TRPC6: variants seen among roughly 807,000 people sequenced by gnomAD.
The protein encoded by TRPC6 is transient receptor potential cation channel subfamily C member 6, also known as short transient receptor potential channel 6.
In TRPC6, 55 loss-of-function variants were observed where a neutral mutation model predicts 90.7. The observed-to-expected ratio is 0.61, with a 90% CI of 0.49 to 0.76. TRPC6 has a LOEUF of 0.76. Among genes scored for constraint, TRPC6 ranks in the 30% least tolerant of loss-of-function variants. The pLI, the probability that TRPC6 is intolerant of heterozygous loss-of-function variation, is 0.00. For missense variants in TRPC6, 989 were observed against 1,122.7 expected, an observed-to-expected ratio of 0.88 and a Z score of 1.70; for synonymous variants, 393 against 393.0, an observed-to-expected ratio of 1.00 and a Z score of 0.00.
chr11:101,507,130 C>T (rs1190744465), intron 1 of TRPC6, among the ~76,000 whole-genome samples: 1 of 151,120 alleles, frequency 6.6e-6, no homozygotes, highest in African/African-American at 2.4e-5. Flanking sequence ...CTGTTTAAAA[C>T]ATGACAATGC....
intron 1 of TRPC6, among the ~76,000 whole-genome samples, chr11:101,572,969 G>A (rs563614737): frequency 1.3e-5 from 2 of 151,276 alleles, no homozygotes; most frequent in African/African-American, 4.9e-5. Flanking sequence ...TAACAAACCT[G>A]CACGTTCTGC....
chr11:101,575,479 A>G (rs1373814302), intron 1 of TRPC6, among the ~76,000 whole-genome samples: 1 of 152,102 alleles, frequency 6.6e-6, no homozygotes, highest in African/African-American at 2.4e-5. Context: ...TTTTACTGTC[A>G]TTCTTTTTTC....
At chr11:101,501,911 C>T (rs973561163) in intron 2 of TRPC6, among the ~76,000 whole-genome samples, 3 of 152,124 alleles carry the variant, frequency 2.0e-5, no homozygotes, top group Admixed American at 6.5e-5. Flanking sequence ...TTTTAAAAGA[C>T]ATTAGTAACA....
intron 1 of TRPC6, among the ~76,000 whole-genome samples, chr11:101,513,176 G>A (rs1860436845): frequency 6.6e-6 from 1 of 152,216 alleles, no homozygotes; most frequent in Non-Finnish European, 1.5e-5. Flanking sequence ...CAAGGGAACT[G>A]ATACTCTGAC....
chr11:101,460,556 T>C (rs1858981738), intron 10 of TRPC6, among the ~76,000 whole-genome samples: 1 of 152,196 alleles, frequency 6.6e-6, no homozygotes, highest in Non-Finnish European at 1.5e-5. Flanking sequence ...GGACTGTGTA[T>C]GTGTGTGATA....
At chr11:101,522,559 A>G (rs1412718120) in intron 1 of TRPC6, among the ~76,000 whole-genome samples, 2 of 152,246 alleles carry the variant, frequency 1.3e-5, no homozygotes, top group East Asian at 3.8e-4. Flanking sequence ...TAAAAGTAAA[A>G]TCTCAACCTC....
At chr11:101,547,155 T>C (rs997145263) in intron 1 of TRPC6, among the ~76,000 whole-genome samples, 2 of 152,222 alleles carry the variant, frequency 1.3e-5, no homozygotes, top group Middle Eastern at 3.2e-3. Flanking sequence ...ATTCATTTTA[T>C]AATTATTAAA....
chr11:101,501,438 G>A (rs1380121440), intron 2 of TRPC6, among the ~76,000 whole-genome samples: 1 of 151,906 alleles, frequency 6.6e-6, no homozygotes, highest in Non-Finnish European at 1.5e-5. Context: ...TATTTTTAAG[G>A]GTAGAAGCAG....
At chr11:101,559,732 C>A in intron 1 of TRPC6, among the ~76,000 whole-genome samples, 1 of 150,992 alleles carries the variant, frequency 6.6e-6, no homozygotes, top group East Asian at 2.0e-4. Context: ...GTGCTGCACC[C>A]ATTAACTCAT....
At chr11:101,494,906 C>CA (rs1343639765) in intron 2 of TRPC6, among the ~76,000 whole-genome samples, 2 of 152,170 alleles carry the variant, frequency 1.3e-5, no homozygotes, top group Non-Finnish European at 2.9e-5. Context: ...AAATCATTTA[C>CA]AAATATTTTC....
At chr11:101,524,496 A>G (rs148760869) in intron 1 of TRPC6, among the ~76,000 whole-genome samples, 6 of 152,188 alleles carry the variant, frequency 3.9e-5, no homozygotes, top group Admixed American at 3.9e-4. Flanking sequence ...TGATCCACCC[A>G]TCTCGGCCTC....
chr11:101,557,602 G>T (rs1861588899), intron 1 of TRPC6, among the ~76,000 whole-genome samples: 2 of 145,240 alleles, frequency 1.4e-5, no homozygotes, highest in Admixed American at 1.4e-4. Flanking sequence ...TTTACATACA[G>T]AAAACTCTAC....
At chr11:101,550,775 T>C (rs567166901) in intron 1 of TRPC6, among the ~76,000 whole-genome samples, 14 of 151,730 alleles carry the variant, frequency 9.2e-5, no homozygotes, top group African/African-American at 3.4e-4. Context: ...ACTGGAAAAA[T>C]GTGTTCTTAT....
chr11:101,489,986 G>A (rs140710023), intron 3 of TRPC6, among the ~76,000 whole-genome samples: 314 of 152,190 alleles, frequency 2.1e-3, no homozygotes, highest in Admixed American at 4.6e-3. Context: ...ACACACTGTT[G>A]GTGTGTATGG....
chr11:101,464,741 A>G (rs1859102049), intron 10 of TRPC6, among the ~76,000 whole-genome samples: 1 of 152,052 alleles, frequency 6.6e-6, no homozygotes, highest in Non-Finnish European at 1.5e-5. Flanking sequence ...TTGACTCTTT[A>G]GCCAATATGC....
intron 1 of TRPC6, chr11:101,519,688 C>T (rs1860608297): frequency 6.5e-6 from 1 of 153,252 alleles, no homozygotes; most frequent in African/African-American, 2.4e-5. Flanking sequence ...ATCCTGCTTA[C>T]TTTTCAAAAT....
At chr11:101,492,244 C>A (rs578200082) in intron 2 of TRPC6, among the ~76,000 whole-genome samples, 3 of 152,122 alleles carry the variant, frequency 2.0e-5, no homozygotes, top group Admixed American at 1.3e-4. Context: ...TTTCTTCATA[C>A]CCTCAAAAAG....
chr11:101,491,535 G>A (rs1295476975), intron 3 of TRPC6, 21 bp downstream of exon 3: 2 of 1,612,488 alleles, frequency 1.2e-6, no homozygotes, highest in Admixed American at 1.7e-5. Context: ...TAATGTAAAC[G>A]GGCTTCACGC....
intron 9 of TRPC6, 93 bp downstream of exon 9, chr11:101,471,090 T>C: frequency 7.9e-7 from 1 of 1,260,252 alleles, no homozygotes; most frequent in Non-Finnish European, 1.1e-6. Context: ...GGATGTGTCA[T>C]CAGGAACTGC....
Sources: allele counts gnomAD v4.1 joint callset (sites outside exome capture counted in the v4.1 genomes callset), GRCh38; gene constraint gnomAD v4.1.1; transcripts MANE v1.5; gene names NCBI Gene and HGNC (gene_info 2026-07-23, HGNC 2026-07-21).